LHFPL6: variants seen among roughly 807,000 people sequenced by gnomAD.
LHFPL6 encodes the protein LHFPL tetraspan subfamily member 6 protein.
A neutral mutation model predicts 20.6 loss-of-function variants in LHFPL6; 9 were observed. The ratio of observed to expected loss-of-function variants is 0.44; its 90% CI spans 0.26 to 0.76. LHFPL6 has a LOEUF of 0.76. Among genes scored for constraint, LHFPL6 ranks in the 30% least tolerant of loss-of-function variants. The probability of loss-of-function intolerance (pLI) is 0.20; values close to 1 mark genes in which losing one functional copy is unlikely to be tolerated. For missense variants in LHFPL6, 218 were observed against 253.5 expected, an observed-to-expected ratio of 0.86 and a Z score of 0.95; for synonymous variants, 105 against 98.7, an observed-to-expected ratio of 1.06 and a Z score of -0.38.
At chr13:39,494,065 T>A (rs759323742) in intron 2 of LHFPL6, among the ~76,000 whole-genome samples, 11 of 152,214 alleles carry the variant, frequency 7.2e-5, no homozygotes, top group Non-Finnish European at 1.5e-4. Context: ...TACATTTCCA[T>A]GTCAGTCTCA....
intron 2 of LHFPL6, among the ~76,000 whole-genome samples, chr13:39,490,772 T>G (rs1017386945): frequency 1.3e-5 from 2 of 152,192 alleles, no homozygotes; most frequent in African/African-American, 4.8e-5. Context: ...AAGGACACAG[T>G]TTTTCTTTAC....
At chr13:39,451,203 T>G (rs981283062) in intron 2 of LHFPL6, among the ~76,000 whole-genome samples, 5 of 152,178 alleles carry the variant, frequency 3.3e-5, no homozygotes, top group South Asian at 2.1e-4. Flanking sequence ...GGGAGATGTG[T>G]GATTAAAAAT....
At chr13:39,531,075 T>C (rs979490631) in intron 2 of LHFPL6, among the ~76,000 whole-genome samples, 2 of 152,126 alleles carry the variant, frequency 1.3e-5, no homozygotes, top group Non-Finnish European at 2.9e-5. Context: ...TTTCACAGAG[T>C]AATTATTTGC....
intron 2 of LHFPL6, among the ~76,000 whole-genome samples, chr13:39,559,714 G>T (rs1197182985): frequency 6.6e-6 from 1 of 152,112 alleles, no homozygotes; most frequent in Non-Finnish European, 1.5e-5. Context: ...TAAATGTGAG[G>T]AGTGCCAGGC....
At chr13:39,450,071 T>A (rs1450715255) in intron 2 of LHFPL6, among the ~76,000 whole-genome samples, 2 of 152,166 alleles carry the variant, frequency 1.3e-5, no homozygotes, top group East Asian at 3.8e-4. Context: ...CCATCAATTT[T>A]ACAGATTATT....
intron 2 of LHFPL6, among the ~76,000 whole-genome samples, chr13:39,574,253 C>T (rs867173386): frequency 1.5e-4 from 23 of 152,038 alleles, no homozygotes; most frequent in Middle Eastern, 3.4e-3. Flanking sequence ...GAGGCCGAGG[C>T]GGGCGGATCA....
chr13:39,436,070 T>A (rs1326107598), intron 2 of LHFPL6, among the ~76,000 whole-genome samples: 1 of 151,836 alleles, frequency 6.6e-6, no homozygotes, highest in African/African-American at 2.4e-5. Flanking sequence ...GTTTTAATTT[T>A]TACTAAGGTA....
rs181673632 is a variant in LHFPL6 at position 39,419,279 on chromosome 13, A to T, written c.386-40753T>A. On this transcript the variant is annotated intron_variant, in intron 2 of 3. Coordinates refer to ENST00000379589, the MANE Select transcript of LHFPL6 (RefSeq NM_005780.3). ...CTACTCTGGACTTCTTGTGAAATACAACTACAATTCCTTCATCTCTCCCTA... is the reference window on the plus strand; with the variant it reads ...CTACTCTGGACTTCTTGTGAAATACTACTACAATTCCTTCATCTCTCCCTA... Among the ~76,000 whole-genome samples the T allele has an allele frequency of 2.0e-4, 30 of 152,352 alleles. No homozygotes were observed. The East Asian group carries it at 5.8e-3, about 29-fold the overall frequency.
At chr13:39,552,854 A>C (rs1566139521) in intron 2 of LHFPL6, among the ~76,000 whole-genome samples, 1 of 152,228 alleles carries the variant, frequency 6.6e-6, no homozygotes, top group Non-Finnish European at 1.5e-5. Context: ...GTGGTGACCA[A>C]GAATGAGGAT....
chr13:39,412,058 G>A (rs1487530651), intron 2 of LHFPL6, among the ~76,000 whole-genome samples: 2 of 152,162 alleles, frequency 1.3e-5, no homozygotes, highest in South Asian at 2.1e-4. Flanking sequence ...TCATCATATG[G>A]AAGCTGACTG....
chr13:39,544,281 C>A (rs1048971721), intron 2 of LHFPL6, among the ~76,000 whole-genome samples: 7 of 152,104 alleles, frequency 4.6e-5, no homozygotes. Flanking sequence ...TACATTTTGC[C>A]GCTATATAAT....
At chr13:39,353,414 G>T (rs1476240427) in intron 3 of LHFPL6, among the ~76,000 whole-genome samples, 1 of 152,108 alleles carries the variant, frequency 6.6e-6, no homozygotes, top group Non-Finnish European at 1.5e-5. Context: ...GAATGTTTGT[G>T]GGGTGTGGTG....
chr13:39,400,223 T>C (rs1030341309), intron 2 of LHFPL6, among the ~76,000 whole-genome samples: 1 of 152,222 alleles, frequency 6.6e-6, no homozygotes, highest in Non-Finnish European at 1.5e-5. Context: ...CACCTCAGCA[T>C]ACCTTCACTG....
rs1387132568 is a variant in LHFPL6, at chr13:39,364,708, G to GT, written c.484+13719_484+13720insA. Among the ~76,000 whole-genome samples the GT allele has an allele frequency of 3.3e-4, 50 of 152,110 alleles. No individual in the cohort carries two copies. In the East Asian group the frequency reaches 9.7e-3, roughly 29 times the overall value. ...CTGGGATACACGTGCAGAACATGCG[G>GT]ATTTGTTGCATAGGTATACATGTGC... On this transcript the variant is annotated intron_variant, in intron 3 of 3. Transcript: ENST00000379589.
intron 2 of LHFPL6, among the ~76,000 whole-genome samples, chr13:39,486,299 T>C (rs1304940108): frequency 6.6e-6 from 1 of 152,334 alleles, no homozygotes; most frequent in East Asian, 1.9e-4. Flanking sequence ...TGTTTTCATG[T>C]CATTTTTTTA....
chr13:39,440,914 G>C (rs1039591225), intron 2 of LHFPL6, among the ~76,000 whole-genome samples: 1 of 152,038 alleles, frequency 6.6e-6, no homozygotes, highest in Non-Finnish European at 1.5e-5. Flanking sequence ...GAATTTCTTT[G>C]CACAAACTCT....
At chr13:39,498,249 C>T (rs1318801207) in intron 2 of LHFPL6, among the ~76,000 whole-genome samples, 1 of 152,220 alleles carries the variant, frequency 6.6e-6, no homozygotes, top group Admixed American at 6.5e-5. Flanking sequence ...TAAGACCGGA[C>T]TTACCCCATG....
intron 2 of LHFPL6, among the ~76,000 whole-genome samples, chr13:39,533,469 G>A (rs777901873): frequency 4.6e-5 from 7 of 152,076 alleles, no homozygotes; most frequent in Non-Finnish European, 7.4e-5. Flanking sequence ...AGGTATGGCC[G>A]GGAAGTGCCC....
chr13:39,451,176 T>C (rs992687026), intron 2 of LHFPL6, among the ~76,000 whole-genome samples: 2 of 151,924 alleles, frequency 1.3e-5, no homozygotes, highest in African/African-American at 4.8e-5. Context: ...TTTTGTTTGT[T>C]TATTTATTTA....
Sources: allele counts gnomAD v4.1 joint callset (sites outside exome capture counted in the v4.1 genomes callset), GRCh38; gene constraint gnomAD v4.1.1; transcripts MANE v1.5; gene names NCBI Gene and HGNC (gene_info 2026-07-23, HGNC 2026-07-21).